The following RP1 variants were observed in gnomAD, a reference collection of about 807,000 sequenced individuals.
The protein encoded by RP1 is RP1 axonemal microtubule associated, also known as oxygen-regulated protein 1.
Under a neutral mutation model 14.8 loss-of-function variants are expected in RP1, and 16 were observed. That is an observed-to-expected ratio of 1.08 (90% confidence interval 0.73 to 1.65). RP1 has a LOEUF of 1.65. RP1 is among the 40% of genes most tolerant of loss of function. The probability of loss-of-function intolerance (pLI) is 0.00; values close to 1 mark genes in which losing one functional copy is unlikely to be tolerated. For missense variants in RP1, 2,631 were observed against 2,535.0 expected (o/e 1.04, Z -0.81); for synonymous variants, 876 against 883.6 (o/e 0.99, Z 0.15).
At chr8:54,729,240 A>G (rs1444649490) in intron 17 of RP1, among the ~76,000 whole-genome samples, 15 of 152,292 alleles carry the variant, frequency 9.8e-5, no homozygotes. Flanking sequence ...TCTCAGCTCC[A>G]GTCGCTTGTC....
At chr8:54,755,598 C>T in intron 20 of RP1, 1 of 1,535,360 alleles carries the variant, frequency 6.5e-7, no homozygotes, top group Non-Finnish European at 8.7e-7. Context: ...CTCTTATTTT[C>T]TCTCCCTGTT....
chr8:54,646,091 A>G (rs1233969335), intron 3 of RP1, among the ~76,000 whole-genome samples: 3 of 152,098 alleles, frequency 2.0e-5, no homozygotes, highest in African/African-American at 4.8e-5. Flanking sequence ...AATTTTGTCT[A>G]TTCACATTTT....
intron 12 of RP1, among the ~76,000 whole-genome samples, chr8:54,693,886 T>C (rs943889340): frequency 2.0e-5 from 3 of 152,186 alleles, no homozygotes; most frequent in Non-Finnish European, 4.4e-5. Context: ...AGGGCATCCC[T>C]GTCTCGTGCC....
At chr8:54,579,752 T>G (rs949123410) in intron 1 of RP1, among the ~76,000 whole-genome samples, 7 of 152,234 alleles carry the variant, frequency 4.6e-5, no homozygotes, top group Non-Finnish European at 1.0e-4. Context: ...GGGACCTCTC[T>G]ATCCCACTCT....
Position 54,755,528 on chromosome 8 carries a change from A to G in RP1, c.2942-91A>G, listed in dbSNP as rs562245801. On this transcript the variant is annotated intron_variant, in intron 20 of 22. Coordinates refer to the RP1 transcript ENST00000636932. ...TCATATATGTTTTTCTTTTTTTACT[A>G]TAGCCTGAAAACCTATGGATCTGGG... 2.1e-5 allele frequency: 27 copies of G among 1,260,798 alleles called. No homozygotes were observed. The East Asian group carries it at 3.4e-4, about 16-fold the overall frequency. The allele number at this position is 1,260,798 out of a possible 1,614,324, so 78.1% of individuals were successfully genotyped here.
At chr8:54,755,689 C>T (rs1809489013) in exon 21 of RP1, 1 of 1,535,980 alleles carries the variant, frequency 6.5e-7, no homozygotes, top group Non-Finnish European at 8.7e-7. Context: ...AGGTTTTCCT[C>T]TGTCTCTTTG....
chr8:54,625,317 A>G lies in RP1; in HGVS notation c.1435A>G (p.Met479Val), dbSNP rs760158770. ...ATCTGAAACTGAGGTTCAAGAGAAA[A>G]TGATTGGACAGTTTTCATATAGTGA... ...LVSETEVQEK[M>V]IGQFSYSEER... is the part of the protein sequence containing the mutation. Residue 479 changes from methionine (M) to valine (V), a missense_variant, in exon 4 of 4, where the codon ATG (methionine) becomes GTG (valine). Coordinates refer to ENST00000220676, the MANE Select transcript of RP1 (RefSeq NM_006269.2). 1.1e-5 allele frequency: 18 copies of G among 1,614,210 alleles called. No individual in the cohort carries two copies. Among genetic ancestry groups the G allele is most frequent in the Non-Finnish European group, 1.4e-5 (17 of 1,180,048 alleles).
chr8:54,728,188 T>C (rs1178695353), intron 17 of RP1, among the ~76,000 whole-genome samples: 1 of 152,126 alleles, frequency 6.6e-6, no homozygotes, highest in Non-Finnish European at 1.5e-5. Context: ...AAAAATGTCT[T>C]TATGTATGAA....
At chr8:54,608,153 A>G (rs1269134280) in intron 1 of RP1, among the ~76,000 whole-genome samples, 1 of 149,550 alleles carries the variant, frequency 6.7e-6, no homozygotes, top group Admixed American at 6.6e-5. Flanking sequence ...GGAGCTGGAG[A>G]CTGGAGCTGT....
exon 16 of RP1, chr8:54,720,149 T>G (rs764736213): frequency 6.5e-7 from 1 of 1,534,846 alleles, no homozygotes; most frequent in South Asian, 1.2e-5. Context: ...ATGTTGACTG[T>G]CATTTTAAAA....
chr8:54,782,914 A>G (rs1810223838), intron 23 of RP1, among the ~76,000 whole-genome samples: 1 of 151,852 alleles, frequency 6.6e-6, no homozygotes, highest in Non-Finnish European at 1.5e-5. Flanking sequence ...GTCTTTCTCT[A>G]TTTCAAACGT....
At chr8:54,638,959 C>A (rs1007550064) in intron 3 of RP1, among the ~76,000 whole-genome samples, 2 of 151,600 alleles carry the variant, frequency 1.3e-5, no homozygotes, top group African/African-American at 2.4e-5. Context: ...TAAAATCTCC[C>A]CAATTTTAAG....
At chr8:54,864,794 TC>T (rs1233016712) in intron 27 of RP1, among the ~76,000 whole-genome samples, 5 of 152,320 alleles carry the variant, frequency 3.3e-5, no homozygotes, top group Non-Finnish European at 5.9e-5. Flanking sequence ...GTAGGGTGAT[TC>T]CCCTCCCTTA....
chr8:54,803,925 G>A (rs1810779067), intron 24 of RP1, among the ~76,000 whole-genome samples: 4 of 151,888 alleles, frequency 2.6e-5, no homozygotes, highest in Admixed American at 2.6e-4. Flanking sequence ...AAAATTAGCT[G>A]GGCCTGGTGG....
At chr8:54,614,814 T>C (rs1805677884), upstream of RP1, among the ~76,000 whole-genome samples, 2 of 152,184 alleles carry the variant, frequency 1.3e-5, no homozygotes, top group Non-Finnish European at 2.9e-5. Context: ...CTTTGATAAG[T>C]GAGTCTAAGG....
chr8:54,670,697 ATATATATAT>A lies in RP1; in HGVS notation c.1324-3152_1324-3144del, dbSNP rs1480876567. Among the ~76,000 whole-genome samples the A allele has an allele frequency of 6.5e-4, 91 of 139,136 alleles. 3 individuals carry two copies. The highest frequency in any genetic ancestry group is 2.3e-3 in the African/African-American group (85 of 37,678). The allele number at this position is 139,136 out of a possible 152,430, so 91.3% of individuals were successfully genotyped here. ...TATATATATATATATATATATATATATATATATATAAAACATTAAGTCCTGGTGAATTAA... is the reference window on the plus strand; with the variant it reads ...TATATATATATATATATATATATATAAAAACATTAAGTCCTGGTGAATTAA... On this transcript the variant is annotated intron_variant, in intron 7 of 22. Transcript: ENST00000636932.
At chr8:54,655,528 G>T (rs145311090) in intron 5 of RP1, among the ~76,000 whole-genome samples, 1 of 152,114 alleles carries the variant, frequency 6.6e-6, no homozygotes, top group Admixed American at 6.6e-5. Context: ...AATCTGTAGT[G>T]TATGAAATCT....
intron 12 of RP1, chr8:54,696,687 A>T: frequency 1.4e-6 from 1 of 737,142 alleles, no homozygotes; most frequent in Non-Finnish European, 2.4e-6. Flanking sequence ...AAAAGGATTG[A>T]TGGTGTGATT....
chr8:54,657,759 C>T (rs1316977853), intron 6 of RP1, among the ~76,000 whole-genome samples: 1 of 151,884 alleles, frequency 6.6e-6, no homozygotes, highest in Non-Finnish European at 1.5e-5. Context: ...AAAGTGTTTG[C>T]CCAGTTTACC....
Sources: allele counts gnomAD v4.1 joint callset (sites outside exome capture counted in the v4.1 genomes callset), GRCh38; gene constraint gnomAD v4.1.1; transcripts MANE v1.5; gene names NCBI Gene and HGNC (gene_info 2026-07-23, HGNC 2026-07-21).